ZNF41: variants seen among roughly 807,000 people sequenced by gnomAD.
The protein encoded by ZNF41 is zinc finger protein 41.
A neutral mutation model predicts 9.3 loss-of-function variants in ZNF41; 6 were observed. That is an observed-to-expected ratio of 0.65 (90% CI 0.35 to 1.28). ZNF41 has a LOEUF of 1.28. ZNF41 is among the 50% of genes most tolerant of loss of function. The pLI is 0.03. For synonymous variants in ZNF41, 192 were observed against 207.1 expected (o/e 0.93, Z 0.63); for missense variants, 523 against 585.8 (o/e 0.89, Z 1.11).
intron 2 of ZNF41, among the ~76,000 whole-genome samples, chrX:47,467,077 T>C (rs1190089713): frequency 9.0e-6 from 1 of 111,618 alleles, no homozygotes; most frequent in African/African-American, 3.3e-5. Flanking sequence ...CTATGGATAG[T>C]GGCTGCTTCT....
chrX:47,459,742 T>TAAAAA (rs768291943), intron 2 of ZNF41, among the ~76,000 whole-genome samples: 11 of 16,140 alleles, frequency 6.8e-4, no homozygotes, highest in African/African-American at 1.0e-3. Context: ...AGACCCTATC[T>TAAAAA]AAAAAAAAAA....
At chrX:47,479,657 A>G (rs900315110) in intron 1 of ZNF41, among the ~76,000 whole-genome samples, 16 of 110,903 alleles carry the variant, frequency 1.4e-4, no homozygotes, top group Non-Finnish European at 2.3e-4. Context: ...AAAATATGCT[A>G]TTCACAATGA....
intron 1 of ZNF41, chrX:47,482,612 C>CGCGTGCGCGTGT (rs1331537405): frequency 3.5e-5 from 4 of 113,069 alleles, no homozygotes; most frequent in Non-Finnish European, 7.5e-5. Flanking sequence ...CGTGCGCGTG[C>CGCGTGCGCGTGT]GCGTGTGCGT....
intron 2 of ZNF41, among the ~76,000 whole-genome samples, chrX:47,464,327 C>T (rs774235404): frequency 1.6e-4 from 18 of 110,856 alleles, no homozygotes; most frequent in Non-Finnish European, 3.2e-4. Context: ...CTAGTAAGTG[C>T]ACCATGGTAC....
chrX:47,472,724 CTTTT>C, intron 1 of ZNF41, among the ~76,000 whole-genome samples: 1 of 109,022 alleles, frequency 9.2e-6, no homozygotes, highest in Admixed American at 9.9e-5. Context: ...TTCTTTAAAA[CTTTT>C]TTTGTTTTTT....
chrX:47,463,704 GC>G (rs2056893587), intron 2 of ZNF41, among the ~76,000 whole-genome samples: 1 of 111,182 alleles, frequency 9.0e-6, no homozygotes, highest in Non-Finnish European at 1.9e-5. Context: ...CCCTCTGGCT[GC>G]CCCCCAGCCT....
At chrX:47,460,055 T>C (rs1394901332) in intron 2 of ZNF41, among the ~76,000 whole-genome samples, 1 of 111,145 alleles carries the variant, frequency 9.0e-6, no homozygotes, top group Non-Finnish European at 1.9e-5. Flanking sequence ...AAAACCAGCC[T>C]GGGCAATATG....
chrX:47,472,433 CTTTTTTT>C (rs767484521), intron 1 of ZNF41, among the ~76,000 whole-genome samples: 7 of 58,088 alleles, frequency 1.2e-4, no homozygotes, highest in African/African-American at 5.0e-4. Flanking sequence ...AACATGGCTT[CTTTTTTT>C]TTTTTTTTTT....
Position 47,462,968 on chromosome X carries a change from T to TGTGTACACACACAC in ZNF41, c.72+4441_72+4442insGTGTGTGTGTACAC, listed in dbSNP as rs2056864499. ...ATATACACACACACACACACACACA[T>TGTGTACACACACAC]ATGTGTACACACACACACACACACA... On this transcript the variant is annotated intron_variant, in intron 2 of 4. Transcript: ENST00000684689. 7.2e-5 allele frequency among the ~76,000 whole-genome samples: 5 copies of TGTGTACACACACAC among 69,117 alleles called. No homozygotes were observed. The South Asian group carries it at 4.4e-3, about 60-fold the overall frequency. 60.0% of individuals were successfully genotyped at this position (69,117 alleles called of 115,157 possible).
At chrX:47,476,099 T>A (rs1175049482) in intron 1 of ZNF41, among the ~76,000 whole-genome samples, 1 of 111,472 alleles carries the variant, frequency 9.0e-6, no homozygotes, top group African/African-American at 3.3e-5. Flanking sequence ...ACATCTGTAA[T>A]CCCAGTACTT....
intron 2 of ZNF41, among the ~76,000 whole-genome samples, chrX:47,465,598 G>C (rs1053529169): frequency 9.0e-6 from 1 of 111,127 alleles, no homozygotes; most frequent in African/African-American, 3.3e-5. Context: ...ACTCAAGCCT[G>C]TAATTCCAGC....
chrX:47,456,547 G>T, intron 2 of ZNF41, 149 bp from the exon 3 acceptor site: 1 of 774,187 alleles, frequency 1.3e-6, no homozygotes, highest in Non-Finnish European at 1.8e-6. Flanking sequence ...TTTTGTGAGA[G>T]CTAAAAAACT....
chrX:47,448,074 G>A lies in ZNF41; in HGVS notation c.1696C>T (p.Leu566Phe), dbSNP rs1347802476. 7.4e-6 allele frequency: 9 copies of A among 1,211,450 alleles called. No individual in the cohort carries two copies. Among genetic ancestry groups the A allele is most frequent in the Non-Finnish European group, 1.0e-5 (9 of 895,478 alleles). Reference protein sequence around the residue: ...CGKAFIWKSRLKIHQKSHIGE... With the variant: ...CGKAFIWKSRFKIHQKSHIGE... ...ATATGAGATTTCTGATGTATTTTGA[G>A]GCGCGACTTCCATATGAAGGCTTTT... Residue 566 changes from leucine (L) to phenylalanine (F), a missense_variant, in exon 5 of 5, where the codon CTC becomes TTC. Coordinates refer to ENST00000684689, the MANE Select transcript of ZNF41 (RefSeq NM_001324144.2).
At position 47,456,317 on chromosome X, in the gene ZNF41, A is replaced by G; in HGVS notation, c.154T>C (p.Tyr52His). Residue 52 changes from tyrosine to histidine, a missense_variant, in exon 3 of 5, where the codon TAC becomes CAC. Transcript: ENST00000684689. ...TAGTTCTCTAGTGTCACATCCCAGT[A>G]CAGGCGTCTCTGGGCAGGGTCCAAG... ...QHLDPAQRRL[Y>H]WDVTLENYSH... is the part of the protein sequence containing the mutation. 8.3e-7 allele frequency: 1 copy of G among 1,211,101 alleles called. No individual in the cohort carries two copies. Among genetic ancestry groups the G allele is most frequent in the Non-Finnish European group, 1.1e-6 (1 of 895,346 alleles).
intron 1 of ZNF41, among the ~76,000 whole-genome samples, chrX:47,477,987 T>C (rs778628774): frequency 8.9e-6 from 1 of 112,752 alleles, no homozygotes; most frequent in African/African-American, 3.2e-5. Context: ...AAATGTGGTG[T>C]ATCCATACAA....
At chrX:47,466,504 G>A (rs1027068304) in intron 2 of ZNF41, among the ~76,000 whole-genome samples, 1 of 108,848 alleles carries the variant, frequency 9.2e-6, no homozygotes, top group Non-Finnish European at 1.9e-5. Flanking sequence ...GCCTGGGCGA[G>A]TCATGTGTCT....
At chrX:47,469,310 C>CAAAAAAAA (rs749426044) in intron 1 of ZNF41, among the ~76,000 whole-genome samples, 36 of 35,920 alleles carry the variant, frequency 1.0e-3, no homozygotes, top group African/African-American at 2.7e-3. Context: ...GACTCCGTCT[C>CAAAAAAAA]AAAAAAAAAA....
chrX:47,482,725 C>G (rs1304893580), intron 1 of ZNF41: 2 of 113,130 alleles, frequency 1.8e-5, no homozygotes, highest in Non-Finnish European at 3.8e-5. Flanking sequence ...CTTGGAAGGG[C>G]GGTCATTTCT....
chrX:47,463,747 A>G (rs566263922), intron 2 of ZNF41, among the ~76,000 whole-genome samples: 51 of 111,339 alleles, frequency 4.6e-4, no homozygotes, highest in African/African-American at 1.6e-3. Context: ...GGTGTTCCAC[A>G]GTACTCTAGG....
Sources: gnomAD v4.1 joint callset for allele counts (sites outside exome capture counted in the v4.1 genomes callset) on GRCh38, gnomAD v4.1.1 for gene constraint, MANE v1.5 for transcripts, NCBI Gene and HGNC (gene_info 2026-07-23, HGNC 2026-07-21) for gene names.